UGT2B28: variants seen among roughly 807,000 people sequenced by gnomAD.
The protein encoded by UGT2B28 is UDP-glucuronosyltransferase 2B28.
Under a neutral mutation model 43.6 loss-of-function variants are expected in UGT2B28, and 45 were observed. That is an observed-to-expected ratio of 1.03 (90% confidence interval 0.81 to 1.32). The LOEUF (loss-of-function observed/expected upper bound fraction) is 1.32. UGT2B28 is among the 40% of genes most tolerant of loss of function. The probability of loss-of-function intolerance (pLI) is 0.00; values close to 1 mark genes in which losing one functional copy is unlikely to be tolerated. For missense variants in UGT2B28, 649 were observed against 625.5 expected, an observed-to-expected ratio of 1.04 and a Z score of -0.40; for synonymous variants, 204 against 208.1, an observed-to-expected ratio of 0.98 and a Z score of 0.17.
At chr4:69,282,053 G>A (rs888995234) in intron 1 of UGT2B28, among the ~76,000 whole-genome samples, 1 of 139,708 alleles carries the variant, frequency 7.2e-6, no homozygotes, top group Non-Finnish European at 1.5e-5. Flanking sequence ...AAAATAGTCC[G>A]AGTTCACTTG....
intron 5 of UGT2B28, among the ~76,000 whole-genome samples, chr4:69,293,831 C>A: frequency 7.2e-6 from 1 of 139,798 alleles, no homozygotes; most frequent in Non-Finnish European, 1.5e-5. Context: ...AGAAGCCAGG[C>A]AAAAATCTTA....
At position 69,280,563 on chromosome 4, in the gene UGT2B28, G is replaced by C. The variant is rs774116241; in HGVS notation, c.63G>C (p.Gly21=). The change falls in exon 1 of 6, where the codon GGG becomes GGC. Residue 21 remains glycine (G), a synonymous_variant. Transcript: ENST00000335568. ...LIHLGCYFSS[G]SCGKVLVWTG... The stretch of plus-strand genomic sequence containing the variant: ...ATCTCGGTTGTTACTTTAGCTCTGG[G>C]AGTTGTGGAAAGGTGCTGGTGTGGA... 6.4e-7 allele frequency: 1 copy of C among 1,560,402 alleles called. No individual in the cohort carries two copies. Among genetic ancestry groups the C allele is most frequent in the Non-Finnish European group, 8.7e-7 (1 of 1,155,674 alleles).
rs200087620 is a variant in UGT2B28 at position 69,280,591 on chromosome 4, G to A, written c.91G>A (p.Gly31Ser). Residue 31 changes from glycine (G) to serine (S), a missense_variant, in exon 1 of 6, where the codon GGT becomes AGT. Gly to Ser is a moderately conservative substitution (Grantham distance 56, BLOSUM62 0). Coordinates refer to ENST00000335568, the MANE Select transcript of UGT2B28 (RefSeq NM_053039.2). The part of the protein sequence containing the change: ...GSCGKVLVWT[G>S]EYSHWMNMKT... ...TTGTGGAAAGGTGCTGGTGTGGACC[G>A]GTGAATACAGCCATTGGATGAATAT... The A allele has an allele frequency of 3.1e-5, 49 of 1,560,154 alleles. 7 individuals carry two copies. The highest frequency in any genetic ancestry group is 3.4e-4 in the Middle Eastern group (2 of 5,868).
rs1174422129 is a variant in UGT2B28 at position 69,284,335 on chromosome 4, A to G, written c.870+1673A>G. The stretch of plus-strand genomic sequence containing the variant: ...GAAAAATCTCATATATTTTAAATTA[A>G]TATCACATTTTAAGACATATGTACA... On this transcript the variant is annotated intron_variant, in intron 2 of 5. Coordinates refer to ENST00000335568, the MANE Select transcript of UGT2B28 (RefSeq NM_053039.2). Among the ~76,000 whole-genome samples the G allele has an allele frequency of 1.4e-5, 2 of 141,052 alleles. 1 individual carries two copies. The highest frequency in any genetic ancestry group is 3.0e-5 in the Non-Finnish European group (2 of 65,830). The allele number at this position is 141,052 out of a possible 152,430, so 92.5% of individuals were successfully genotyped here. A position where few individuals can be genotyped will look rare whatever the true frequency, so the allele number is the denominator to read the frequency against.
At chr4:69,288,335 T>C (rs2109691515) in intron 3 of UGT2B28, among the ~76,000 whole-genome samples, 2 of 139,492 alleles carry the variant, frequency 1.4e-5, no homozygotes, top group South Asian at 4.8e-4. Context: ...ACTTGCTATT[T>C]TGTCAATCAA....
At chr4:69,290,455 TATTCCTCTGA>T in intron 4 of UGT2B28, 127 bp from the exon 5 acceptor site, 3 of 1,173,766 alleles carry the variant, frequency 2.6e-6, no homozygotes, top group Non-Finnish European at 3.5e-6. Flanking sequence ...AGTACGTGTT[TATTCCTCTGA>T]AGTCTGAAAA....
At chr4:69,290,150 C>G (rs1242579091) in intron 4 of UGT2B28, among the ~76,000 whole-genome samples, 1 of 139,782 alleles carries the variant, frequency 7.2e-6, no homozygotes, top group Non-Finnish European at 1.5e-5. Flanking sequence ...GGACTAAATT[C>G]CTAATCTTAA....
Position 69,286,746 on chromosome 4 carries a change from T to C in UGT2B28, c.871-6T>C, listed in dbSNP as rs1251204743. The stretch of plus-strand genomic sequence containing the variant: ...TCTTTTGTGATTAAACAATTTTTTT[T>C]CACAGGAAATGGAGGAATTTGTACA... On this transcript the variant is annotated splice_region_variant and splice_polypyrimidine_tract_variant and intron_variant, in intron 2 of 5. Coordinates refer to ENST00000335568, the MANE Select transcript of UGT2B28 (RefSeq NM_053039.2). 2.6e-6 allele frequency: 4 copies of C among 1,554,088 alleles called. 1 individual carries two copies. The highest frequency in any genetic ancestry group is 3.5e-6 in the Non-Finnish European group (4 of 1,153,856).
In UGT2B28 at chr4:69,294,849, G is replaced by T. The variant is rs199688623; in HGVS notation, c.*40G>T. 1 of 1,495,526 alleles carries T rather than the reference G, an allele frequency of 6.7e-7. No homozygotes were observed. The highest frequency in any genetic ancestry group is 8.9e-7 in the Non-Finnish European group (1 of 1,124,610). 92.6% of individuals were successfully genotyped at this position (1,495,526 alleles called of 1,614,324 possible). ...TGAAGCTGGAAAACCAGATAGATGG[G>T]TTGACATCAGTTTATTCCAGCAAGA... On this transcript the variant is annotated 3_prime_UTR_variant, in exon 6 of 6. Transcript: ENST00000335568.
At position 69,291,331 on chromosome 4, in the gene UGT2B28, A is replaced by C. The variant is rs1284539717; in HGVS notation, c.1310+520A>C. Among the ~76,000 whole-genome samples, 12 of 140,424 alleles carry C rather than the reference A, an allele frequency of 8.5e-5. 2 individuals carry two copies. Among genetic ancestry groups the C allele is most frequent in the African/African-American group, 3.3e-4 (12 of 36,116 alleles). The allele number at this position is 140,424 out of a possible 152,430, so 92.1% of individuals were successfully genotyped here. A position where few individuals can be genotyped will look rare whatever the true frequency, so the allele number is the denominator to read the frequency against. On this transcript the variant is annotated intron_variant, in intron 5 of 5. Coordinates refer to ENST00000335568, the MANE Select transcript of UGT2B28 (RefSeq NM_053039.2). Reference sequence around the variant, plus strand: ...GTCATGAAACTATCACCATCATATAATTTTAGAACATTTTTATCAACACAA... The same window carrying C: ...GTCATGAAACTATCACCATCATATACTTTTAGAACATTTTTATCAACACAA...
At position 69,283,173 on chromosome 4, in the gene UGT2B28, GA is replaced by G. The variant is rs768168135; in HGVS notation, c.870+512del. 1.9e-4 allele frequency among the ~76,000 whole-genome samples: 27 copies of G among 139,640 alleles called. 5 individuals carry two copies. Among genetic ancestry groups the G allele is most frequent in the Non-Finnish European group, 3.7e-4 (24 of 65,532 alleles). The allele number at this position is 139,640 out of a possible 152,430, so 91.6% of individuals were successfully genotyped here. Reference sequence around the variant, plus strand: ...CTGGAGTCATGGATTAGTAAGATGAGAGCTGAACAATATGCAGAAATAGGTA... The same window carrying G: ...CTGGAGTCATGGATTAGTAAGATGAGGCTGAACAATATGCAGAAATAGGTA... On this transcript the variant is annotated intron_variant, in intron 2 of 5. Transcript: ENST00000335568.
rs892343959 is a variant in UGT2B28, at chr4:69,288,700, G to A, written c.1003-965G>A. On this transcript the variant is annotated intron_variant, in intron 3 of 5. Coordinates refer to ENST00000335568, the MANE Select transcript of UGT2B28 (RefSeq NM_053039.2). ...AATTGTTTCATCACCCAGGTATTAA[G>A]ACTAATATTCGTTTATTATTTTTCC... 1.2e-4 allele frequency among the ~76,000 whole-genome samples: 17 copies of A among 138,994 alleles called. 1 individual carries two copies. Among genetic ancestry groups the A allele is most frequent in the African/African-American group, 4.2e-4 (15 of 35,440 alleles). 91.2% of individuals were successfully genotyped at this position (138,994 alleles called of 152,430 possible).
intron 2 of UGT2B28, 112 bp downstream of exon 2, chr4:69,282,774 G>A (rs1723655795): frequency 7.0e-7 from 1 of 1,436,314 alleles, no homozygotes; most frequent in East Asian, 2.5e-5. Context: ...ATGGGAAGTA[G>A]GTGGTGTAAA....
At chr4:69,286,100 A>G (rs2109688269) in intron 2 of UGT2B28, among the ~76,000 whole-genome samples, 1 of 141,644 alleles carries the variant, frequency 7.1e-6, no homozygotes, top group South Asian at 2.3e-4. Flanking sequence ...CCAAATCACA[A>G]TACTAGACTC....
In UGT2B28 at chr4:69,281,018, G is replaced by C; in HGVS notation, c.518G>C (p.Cys173Ser). ...LLNIPFVYSL[C>S]FTPGYTIERH... ...AACATACCGTTTGTGTACAGTCTCT[G>C]CTTCACTCCTGGCTACACAATTGAA... Residue 173 changes from cysteine (C) to serine (S), a missense_variant, in exon 1 of 6, where the codon TGC becomes TCC. Transcript: ENST00000335568. The C allele has an allele frequency of 1.9e-6, 3 of 1,559,608 alleles. No individual in the cohort carries two copies. Among genetic ancestry groups the C allele is most frequent in the Non-Finnish European group, 2.6e-6 (3 of 1,155,356 alleles).
In UGT2B28 at chr4:69,282,655, T is replaced by A. The variant is rs549777994; in HGVS notation, c.863T>A (p.Leu288Gln). 1 of 1,548,072 alleles carries A rather than the reference T, an allele frequency of 6.5e-7. No individual in the cohort carries two copies. Among genetic ancestry groups the A allele is most frequent in the East Asian group, 2.3e-5 (1 of 43,052 alleles). ...CTCCACTGCAAACCTGCCAAACCCC[T>A]ACCTAAGGTAAACATACTTTCGTTG... The part of the protein sequence containing the change: ...GGLHCKPAKP[L>Q]PKEMEEFVQS... The change falls in exon 2 of 6, where the codon CTA becomes CAA. Residue 288 changes from leucine to glutamine, a missense_variant. Physicochemically the swap from Leu to Gln is moderately radical, Grantham distance 113 (BLOSUM62 -2). Coordinates refer to ENST00000335568, the MANE Select transcript of UGT2B28 (RefSeq NM_053039.2).
In UGT2B28 at chr4:69,281,746, A is replaced by C. The variant is rs141632458; in HGVS notation, c.721+525A>C. ...TCAGATGCAAAAGTTAATCAGGGTA[A>C]TTTGAAGTTTCTAATGTTTCTATAC... On this transcript the variant is annotated intron_variant, in intron 1 of 5. Coordinates refer to ENST00000335568, the MANE Select transcript of UGT2B28 (RefSeq NM_053039.2). 5.7e-3 allele frequency among the ~76,000 whole-genome samples: 801 copies of C among 140,436 alleles called. 176 individuals are homozygous for C. Among genetic ancestry groups the C allele is most frequent in the African/African-American group, 0.021 (768 of 36,076 alleles). 92.1% of individuals were successfully genotyped at this position (140,436 alleles called of 152,430 possible).
chr4:69,291,274 T>TA (rs1723948069), intron 5 of UGT2B28, among the ~76,000 whole-genome samples: 1 of 139,998 alleles, frequency 7.1e-6, no homozygotes, highest in Non-Finnish European at 1.5e-5. Flanking sequence ...ATTTATGCCA[T>TA]AAAATCCAAA....
chr4:69,289,130 G>T (rs1394344946), intron 3 of UGT2B28, among the ~76,000 whole-genome samples: 1 of 138,830 alleles, frequency 7.2e-6, no homozygotes, highest in Non-Finnish European at 1.5e-5. Context: ...TGGGTTTCAT[G>T]GTATTTTTGC....
Sources: allele counts gnomAD v4.1 joint callset (sites outside exome capture counted in the v4.1 genomes callset), GRCh38; gene constraint gnomAD v4.1.1; transcripts MANE v1.5; gene names NCBI Gene and HGNC (gene_info 2026-07-23, HGNC 2026-07-21).